The following GPC6 variants were observed in gnomAD, a reference collection of about 807,000 sequenced individuals.
GPC6 encodes the protein glypican 6.
A neutral mutation model predicts 55.2 loss-of-function variants in GPC6; 14 were observed. That is an observed-to-expected ratio of 0.25 (90% CI 0.17 to 0.40). The LOEUF (loss-of-function observed/expected upper bound fraction) is 0.40. Ranked by LOEUF, GPC6 falls within the 10% of genes least tolerant of loss-of-function variation. The pLI, the probability that GPC6 is intolerant of heterozygous loss-of-function variation, is 1.00. For missense variants in GPC6, 641 were observed against 708.5 expected, an observed-to-expected ratio of 0.90 and a Z score of 1.08; for synonymous variants, 278 against 259.6, an observed-to-expected ratio of 1.07 and a Z score of -0.68.
intron 2 of GPC6, among the ~76,000 whole-genome samples, chr13:93,756,655 T>C (rs374337579): frequency 1.5e-4 from 23 of 152,192 alleles, no homozygotes; most frequent in African/African-American, 5.5e-4. Flanking sequence ...TTAATCTTTG[T>C]AGCGCTTTGT....
chr13:93,700,806 T>G (rs1442067673), intron 2 of GPC6, among the ~76,000 whole-genome samples: 1 of 152,062 alleles, frequency 6.6e-6, no homozygotes, highest in Non-Finnish European at 1.5e-5. Context: ...AGACCTCTGG[T>G]ACTTGTGACT....
At chr13:94,048,123 A>G (rs1335675614) in intron 4 of GPC6, among the ~76,000 whole-genome samples, 2 of 152,098 alleles carry the variant, frequency 1.3e-5, no homozygotes, top group Admixed American at 6.6e-5. Context: ...GAAAGATACA[A>G]GAGCTCTGAG....
chr13:93,816,103 A>G (rs190075032), intron 2 of GPC6, among the ~76,000 whole-genome samples: 83 of 152,288 alleles, frequency 5.5e-4, no homozygotes, highest in African/African-American at 1.9e-3. Context: ...ATGACTTTCA[A>G]TTCATACAGT....
chr13:93,252,163 T>C (rs1195934224), intron 1 of GPC6, among the ~76,000 whole-genome samples: 1 of 152,174 alleles, frequency 6.6e-6, no homozygotes, highest in East Asian at 1.9e-4. Context: ...CCAAATTGTG[T>C]TTCTAACAAG....
intron 1 of GPC6, among the ~76,000 whole-genome samples, chr13:93,467,250 T>G (rs1878938907): frequency 6.6e-6 from 1 of 152,234 alleles, no homozygotes; most frequent in African/African-American, 2.4e-5. Flanking sequence ...GGTTGCTATG[T>G]CATGACCCCT....
intron 2 of GPC6, among the ~76,000 whole-genome samples, chr13:93,624,158 A>G (rs1321044970): frequency 6.7e-6 from 1 of 149,144 alleles, no homozygotes; most frequent in African/African-American, 2.5e-5. Context: ...AGACACAGGC[A>G]TAGCTTCTCT....
At chr13:94,210,157 A>ATTTT (rs11324733) in intron 4 of GPC6, among the ~76,000 whole-genome samples, 1 of 137,716 alleles carries the variant, frequency 7.3e-6, no homozygotes, top group African/African-American at 2.7e-5. Context: ...TGTATGTTTA[A>ATTTT]TTTTTTTTTT....
In GPC6 at chr13:93,366,982, G is replaced by T. The variant is rs547486375; in HGVS notation, c.160+139366G>T. ...ATATTGACTGTCTTAGAGATACAGT[G>T]GACACTATTCTTAATGCTGGGAATG... On this transcript the variant is annotated intron_variant, in intron 1 of 8. Transcript: ENST00000377047. 2.6e-5 allele frequency among the ~76,000 whole-genome samples: 4 copies of T among 152,098 alleles called. No homozygotes were observed. In the East Asian group the frequency reaches 5.8e-4, roughly 22 times the overall value.
intron 1 of GPC6, among the ~76,000 whole-genome samples, chr13:93,402,371 C>T (rs549131204): frequency 1.3e-5 from 2 of 152,222 alleles, no homozygotes; most frequent in South Asian, 4.2e-4. Flanking sequence ...GCACGCCATC[C>T]CAGATGTACA....
At position 93,663,597 on chromosome 13, in the gene GPC6, A is replaced by G. The variant is rs1281251285; in HGVS notation, c.319+118176A>G. 2.0e-5 allele frequency among the ~76,000 whole-genome samples: 3 copies of G among 152,194 alleles called. No individual in the cohort carries two copies. In the South Asian group the frequency reaches 6.2e-4, roughly 32 times the overall value. Reference sequence around the variant, plus strand: ...CATATTATGTTTGAGATTTAAATGCAATAATAGCAGTTGCTTTTGTTAATG... The same window carrying G: ...CATATTATGTTTGAGATTTAAATGCGATAATAGCAGTTGCTTTTGTTAATG... On this transcript the variant is annotated intron_variant, in intron 2 of 8. Transcript: ENST00000377047.
At chr13:93,768,675 G>T (rs760405702) in intron 2 of GPC6, among the ~76,000 whole-genome samples, 4 of 152,152 alleles carry the variant, frequency 2.6e-5, no homozygotes, top group Non-Finnish European at 4.4e-5. Context: ...CGCGTGCAGT[G>T]ATGGCCATTA....
chr13:94,010,370 T>C lies in GPC6; in HGVS notation c.712-17359T>C, dbSNP rs142992543. Among the ~76,000 whole-genome samples the C allele has an allele frequency of 2.4e-3, 364 of 152,288 alleles. 3 individuals are homozygous for C. The highest frequency in any genetic ancestry group is 8.3e-3 in the African/African-American group (344 of 41,566). ...AATGAAAATGCTGACTAAAAGATTG[T>C]AAAATCCCATTTTTACCTGTATTGA... On this transcript the variant is annotated intron_variant, in intron 3 of 8. Coordinates refer to ENST00000377047, the MANE Select transcript of GPC6 (RefSeq NM_005708.5).
intron 2 of GPC6, among the ~76,000 whole-genome samples, chr13:93,788,141 A>C (rs1471982670): frequency 6.6e-6 from 1 of 152,168 alleles, no homozygotes; most frequent in African/African-American, 2.4e-5. Context: ...ATTTAATCAC[A>C]GTTCTAGAGG....
At chr13:93,494,724 G>A (rs930849252) in intron 1 of GPC6, among the ~76,000 whole-genome samples, 12 of 151,716 alleles carry the variant, frequency 7.9e-5, no homozygotes, top group Admixed American at 6.6e-4. Context: ...GCCTGGTGGT[G>A]ACAAAATCTC....
chr13:94,054,368 G>A (rs1884059210), intron 4 of GPC6, among the ~76,000 whole-genome samples: 1 of 152,190 alleles, frequency 6.6e-6, no homozygotes, highest in Non-Finnish European at 1.5e-5. Flanking sequence ...AATTCATTTA[G>A]ATCAGTGGAG....
intron 1 of GPC6, among the ~76,000 whole-genome samples, chr13:93,512,854 C>T (rs1473722393): frequency 2.0e-5 from 3 of 151,990 alleles, no homozygotes; most frequent in Admixed American, 2.0e-4. Context: ...ATTTTCTATA[C>T]ACAAAAGCAG....
intron 1 of GPC6, among the ~76,000 whole-genome samples, chr13:93,315,518 T>G (rs1879216799): frequency 6.6e-6 from 1 of 152,048 alleles, no homozygotes; most frequent in African/African-American, 2.4e-5. Flanking sequence ...GCTTTACATA[T>G]TTCATCATTT....
intron 4 of GPC6, among the ~76,000 whole-genome samples, chr13:94,138,734 A>G (rs971271179): frequency 6.6e-6 from 1 of 152,204 alleles, no homozygotes; most frequent in Non-Finnish European, 1.5e-5. Context: ...GGAAGGGCTG[A>G]AAACTTGCAC....
intron 1 of GPC6, among the ~76,000 whole-genome samples, chr13:93,244,437 T>C (rs1490333543): frequency 6.6e-6 from 1 of 152,226 alleles, no homozygotes; most frequent in Non-Finnish European, 1.5e-5. Flanking sequence ...TGCTTAAGAT[T>C]AGGTTGCAAA....
Sources: allele counts gnomAD v4.1 joint callset (sites outside exome capture counted in the v4.1 genomes callset), GRCh38; gene constraint gnomAD v4.1.1; transcripts MANE v1.5; gene names NCBI Gene and HGNC (gene_info 2026-07-23, HGNC 2026-07-21).